The following CORIN variants were observed in gnomAD, a reference collection of about 807,000 sequenced individuals.
CORIN encodes the protein corin, serine peptidase, also known as atrial natriuretic peptide-converting enzyme.
In CORIN, 117 loss-of-function variants were observed where a neutral mutation model predicts 125.3. The observed-to-expected ratio is 0.93, with a 90% CI of 0.80 to 1.09. CORIN has a LOEUF of 1.09. CORIN is among the 50% of genes least tolerant of loss of function. The probability of loss-of-function intolerance (pLI) is 0.00; values close to 1 mark genes in which losing one functional copy is unlikely to be tolerated. For missense variants in CORIN, 1,253 were observed against 1,306.7 expected, an observed-to-expected ratio of 0.96 and a Z score of 0.63; for synonymous variants, 450 against 466.4, an observed-to-expected ratio of 0.96 and a Z score of 0.45.
intron 5 of CORIN, among the ~76,000 whole-genome samples, chr4:47,731,192 G>T (rs951996727): frequency 2.0e-5 from 3 of 152,246 alleles, no homozygotes; most frequent in African/African-American, 7.2e-5. Flanking sequence ...AGAAGAGAAA[G>T]TGCATGGGCA....
chr4:47,752,117 C>T lies in CORIN; in HGVS notation c.618-7534G>A, dbSNP rs545160444. On this transcript the variant is annotated intron_variant, in intron 4 of 21. Transcript: ENST00000273857. Reference sequence around the variant, plus strand: ...CAGATCCTCATGGATCAAATGTAAGCTTCGCAGTGAGTTTTCCTGAACAAC... The same window carrying T: ...CAGATCCTCATGGATCAAATGTAAGTTTCGCAGTGAGTTTTCCTGAACAAC... Among the ~76,000 whole-genome samples the T allele has an allele frequency of 2.6e-5, 4 of 152,262 alleles. No individual in the cohort carries two copies. The South Asian group carries it at 8.3e-4, about 32-fold the overall frequency.
chr4:47,594,406 C>A lies in CORIN; in HGVS notation c.*1315G>T, dbSNP rs1052824158. The A allele has an allele frequency of 1.3e-5, 2 of 152,514 alleles. No individual in the cohort carries two copies. Among genetic ancestry groups the A allele is most frequent in the Non-Finnish European group, 2.9e-5 (2 of 68,002 alleles). 9.4% of individuals were successfully genotyped at this position (152,514 alleles called of 1,614,324 possible). On this transcript the variant is annotated 3_prime_UTR_variant, in exon 22 of 22. Coordinates refer to ENST00000273857, the MANE Select transcript of CORIN (RefSeq NM_006587.4). ...TTTAAAAGGCAAAATGGATGCCTGA[C>A]TAATTAAATTAAGTATATATGAAGA... is the stretch of plus-strand genomic sequence containing the variant.
intron 5 of CORIN, among the ~76,000 whole-genome samples, chr4:47,694,856 A>T (rs895954573): frequency 7.2e-5 from 11 of 152,264 alleles, no homozygotes; most frequent in African/African-American, 2.4e-4. Context: ...TAAAGCAGAA[A>T]AAAAACAAAA....
At chr4:47,646,039 G>A (rs928307903) in intron 13 of CORIN, among the ~76,000 whole-genome samples, 3 of 68,526 alleles carry the variant, frequency 4.4e-5, no homozygotes, top group African/African-American at 2.0e-4. Flanking sequence ...ACCTCCACCT[G>A]TCTCAAAAAA....
At position 47,665,048 on chromosome 4, in the gene CORIN, G is replaced by A. The variant is rs527634306; in HGVS notation, c.1573C>T (p.His525Tyr). ...VPKCDVNTGE[H>Y]IPPCRALCEH... ...TCATATTACCTGCAAGGAGGGATAT[G>A]CTCGCCTGTATTCACATCACATTTT... Residue 525 changes from histidine (H) to tyrosine (Y), a missense_variant, in exon 11 of 22, where the codon CAT becomes TAT. Physicochemically the swap from His to Tyr is moderately conservative, Grantham distance 83. Coordinates refer to ENST00000273857, the MANE Select transcript of CORIN (RefSeq NM_006587.4). 290 of 1,607,818 alleles carry A rather than the reference G, an allele frequency of 1.8e-4. No homozygotes were observed. The Admixed American group carries it at 3.3e-3, about 18-fold the overall frequency.
At chr4:47,820,523 T>TA (rs1560564519) in intron 1 of CORIN, among the ~76,000 whole-genome samples, 59 of 151,978 alleles carry the variant, frequency 3.9e-4, no homozygotes, top group African/African-American at 1.4e-3. Flanking sequence ...TTATGAGAAA[T>TA]GAAAAATTTG....
At chr4:47,738,180 A>G (rs1728217788) in intron 5 of CORIN, among the ~76,000 whole-genome samples, 1 of 152,148 alleles carries the variant, frequency 6.6e-6, no homozygotes, top group Non-Finnish European at 1.5e-5. Context: ...AGGACTATGC[A>G]TATACCTAAG....
chr4:47,621,602 G>A (rs1722310753), intron 19 of CORIN, among the ~76,000 whole-genome samples: 1 of 152,198 alleles, frequency 6.6e-6, no homozygotes, highest in Non-Finnish European at 1.5e-5. Context: ...ATTCTGCAGT[G>A]ATGTTCGTCA....
In CORIN at chr4:47,692,959, T is replaced by C. The variant is rs1208541346; in HGVS notation, c.913+11A>G. ...TCCACTCAGACAAACCCTAAACAGC[T>C]TGTCACATACTGCAATGAGCCTCGT... is the stretch of plus-strand genomic sequence containing the variant. On this transcript the variant is annotated intron_variant, in intron 6 of 21. Coordinates refer to ENST00000273857, the MANE Select transcript of CORIN (RefSeq NM_006587.4). 1.7e-5 allele frequency: 27 copies of C among 1,597,090 alleles called. 1 individual carries two copies. The South Asian group carries it at 2.6e-4, about 16-fold the overall frequency.
At chr4:47,687,444 T>C (rs1725568620) in intron 6 of CORIN, among the ~76,000 whole-genome samples, 1 of 152,230 alleles carries the variant, frequency 6.6e-6, no homozygotes, top group Non-Finnish European at 1.5e-5. Context: ...CTAAGGTAGA[T>C]GTTTTTCTAG....
At chr4:47,736,896 T>C (rs1344298261) in intron 5 of CORIN, among the ~76,000 whole-genome samples, 3 of 152,284 alleles carry the variant, frequency 2.0e-5, no homozygotes, top group African/African-American at 7.2e-5. Flanking sequence ...AGCCAGATAC[T>C]AAGGGGCCAG....
At chr4:47,821,748 A>G (rs1732524367) in intron 1 of CORIN, among the ~76,000 whole-genome samples, 1 of 152,206 alleles carries the variant, frequency 6.6e-6, no homozygotes, top group South Asian at 2.1e-4. Context: ...TTTGAGACAA[A>G]ACCAAACATA....
At chr4:47,666,913 G>A (rs1724508563) in intron 10 of CORIN, among the ~76,000 whole-genome samples, 1 of 152,212 alleles carries the variant, frequency 6.6e-6, no homozygotes, top group South Asian at 2.1e-4. Context: ...CAAAATGCTA[G>A]AGTCCAAAGG....
At chr4:47,678,129 G>C in intron 8 of CORIN, 75 bp from the exon 9 acceptor site, 1 of 986,946 alleles carries the variant, frequency 1.0e-6, no homozygotes, top group Non-Finnish European at 1.6e-6. Context: ...ATAAGCAACA[G>C]CCATTTATCA....
At chr4:47,695,672 G>T (rs1725961104) in intron 5 of CORIN, among the ~76,000 whole-genome samples, 1 of 152,026 alleles carries the variant, frequency 6.6e-6, no homozygotes, top group Admixed American at 6.6e-5. Context: ...GTTCTTTTTT[G>T]AAAGTTCACA....
chr4:47,760,357 C>A (rs1729389311), intron 4 of CORIN, among the ~76,000 whole-genome samples: 1 of 152,162 alleles, frequency 6.6e-6, no homozygotes, highest in Admixed American at 6.5e-5. Flanking sequence ...AATCAGTAAG[C>A]AGTTTCTCTA....
At chr4:47,786,454 T>C (rs1577922055) in intron 3 of CORIN, among the ~76,000 whole-genome samples, 1 of 152,030 alleles carries the variant, frequency 6.6e-6, no homozygotes, top group Non-Finnish European at 1.5e-5. Context: ...GGCAGGAGAA[T>C]TGCTTAAACC....
rs1729569594 is a variant in CORIN, at chr4:47,763,566, G to A, written c.430C>T (p.His144Tyr). Reference sequence around the variant, plus strand: ...TAGGGCAGCATCTGACACTGGCTGTGGGTGATGTTCATACAGGCACCTGGG... The same window carrying A: ...TAGGGCAGCATCTGACACTGGCTGTAGGTGATGTTCATACAGGCACCTGGG... ...RNTSACMNITHSQCQMLPYHA... is the reference protein window; with the variant it reads ...RNTSACMNITYSQCQMLPYHA... The change falls in exon 4 of 22, where the codon CAC (histidine) becomes TAC (tyrosine). Residue 144 changes from histidine to tyrosine, a missense_variant. Transcript: ENST00000273857. 2 of 1,613,954 alleles carry A rather than the reference G, an allele frequency of 1.2e-6. No homozygotes were observed. Among genetic ancestry groups the A allele is most frequent in the African/African-American group, 2.7e-5 (2 of 74,904 alleles).
intron 3 of CORIN, 118 bp from the exon 4 acceptor site, chr4:47,763,704 T>C: frequency 1.3e-6 from 1 of 780,822 alleles, no homozygotes; most frequent in Admixed American, 2.4e-5. Context: ...AATTTAGATA[T>C]GCAATCATAC....
Sources: gnomAD v4.1 joint callset for allele counts (sites outside exome capture counted in the v4.1 genomes callset) on GRCh38, gnomAD v4.1.1 for gene constraint, MANE v1.5 for transcripts, NCBI Gene and HGNC (gene_info 2026-07-23, HGNC 2026-07-21) for gene names.